Variants in WDR27 observed in about 807,000 individuals in gnomAD.
WDR27 encodes WD repeat domain 27.
Under a neutral mutation model 114.4 loss-of-function variants are expected in WDR27, and 100 were observed. The observed-to-expected ratio is 0.87, with a 90% CI of 0.74 to 1.03. WDR27 has a LOEUF of 1.03. Ranked by LOEUF, WDR27 falls within the 50% of genes least tolerant of loss-of-function variation. The pLI is 0.00. For synonymous variants in WDR27, 449 were observed against 423.1 expected, an observed-to-expected ratio of 1.06 and a Z score of -0.75; for missense variants, 1,129 against 1,092.9, an observed-to-expected ratio of 1.03 and a Z score of -0.47.
intron 25 of WDR27, among the ~76,000 whole-genome samples, chr6:169,490,307 G>C (rs1472278961): frequency 6.6e-6 from 1 of 152,234 alleles, no homozygotes; most frequent in Non-Finnish European, 1.5e-5. Context: ...CTCACGTGTG[G>C]AGGAGACAGA....
rs1328671862 is a variant in WDR27, at chr6:169,650,409, CATCT to C, written c.1482-1138_1482-1135del. On this transcript the variant is annotated intron_variant, in intron 14 of 25. Transcript: ENST00000448612. Reference sequence around the variant, plus strand: ...CTCATCCGTCATCCCTCCATCCCCTCATCTATCCACCCACTCATCCACCTCTCAT... The same window carrying C: ...CTCATCCGTCATCCCTCCATCCCCTCATCCACCCACTCATCCACCTCTCAT... Among the ~76,000 whole-genome samples the C allele has an allele frequency of 3.9e-3, 582 of 148,024 alleles. 12 individuals carry two copies. Among genetic ancestry groups the C allele is most frequent in the African/African-American group, 0.013 (533 of 39,660 alleles).
chr6:169,631,953 G>A (rs186539185), intron 21 of WDR27, among the ~76,000 whole-genome samples: 67 of 152,212 alleles, frequency 4.4e-4, no homozygotes, highest in Non-Finnish European at 8.4e-4. Context: ...TTGGGAGGCC[G>A]AGGCAGGCTG....
chr6:169,667,113 A>G (rs1268285823), intron 6 of WDR27, 23 bp downstream of exon 6: 1 of 1,501,022 alleles, frequency 6.7e-7, no homozygotes. Context: ...TATTTACAGA[A>G]AACATGAAAG....
At chr6:169,696,270 G>C (rs1172078856) in intron 1 of WDR27, among the ~76,000 whole-genome samples, 1 of 152,194 alleles carries the variant, frequency 6.6e-6, no homozygotes, top group Non-Finnish European at 1.5e-5. Context: ...AAGAGTCCAG[G>C]GTGACCCAAG....
At chr6:169,513,350 A>C (rs1583890868) in intron 25 of WDR27, among the ~76,000 whole-genome samples, 1 of 152,146 alleles carries the variant, frequency 6.6e-6, no homozygotes, top group Non-Finnish European at 1.5e-5. Flanking sequence ...CCTGCCATGC[A>C]CAATTGGTCA....
At chr6:169,534,353 T>G (rs1423057093) in intron 25 of WDR27, among the ~76,000 whole-genome samples, 4 of 152,200 alleles carry the variant, frequency 2.6e-5, no homozygotes. Context: ...GTTTTCTAAT[T>G]TTTTTGATGT....
Position 169,662,284 on chromosome 6 carries a change from G to A in WDR27, c.1025+20C>T, listed in dbSNP as rs1164431737. On this transcript the variant is annotated intron_variant, in intron 9 of 25. Transcript: ENST00000448612. ...AAGAGGTTTCCTTTATGTGGCATAG[G>A]CAAAGTTTTTGATACTTACCATCCA... 3.7e-6 allele frequency: 6 copies of A among 1,609,928 alleles called. No individual in the cohort carries two copies. Among genetic ancestry groups the A allele is most frequent in the Non-Finnish European group, 5.1e-6 (6 of 1,176,528 alleles).
At chr6:169,583,485 A>G (rs1184951520) in intron 23 of WDR27, among the ~76,000 whole-genome samples, 5,330 of 21,130 alleles carry the variant, frequency 0.25, 143 homozygotes, top group Admixed American at 0.39. Flanking sequence ...GTGTGTATAT[A>G]TACATATATA....
At chr6:169,564,602 T>G (rs1369314343) in intron 25 of WDR27, among the ~76,000 whole-genome samples, 1 of 152,138 alleles carries the variant, frequency 6.6e-6, no homozygotes, top group African/African-American at 2.4e-5. Context: ...GAGAGTGTGC[T>G]GGGCTGCGAG....
At chr6:169,700,306 G>A (rs965114726) in intron 1 of WDR27, among the ~76,000 whole-genome samples, 4 of 152,224 alleles carry the variant, frequency 2.6e-5, no homozygotes, top group African/African-American at 9.6e-5. Context: ...TTGACAAAGT[G>A]TCCCCCTTGG....
At chr6:169,502,331 G>A (rs558960222) in intron 25 of WDR27, among the ~76,000 whole-genome samples, 1 of 152,342 alleles carries the variant, frequency 6.6e-6, no homozygotes, top group East Asian at 1.9e-4. Context: ...GAAGCTGAAG[G>A]GCGATGTGGC....
At chr6:169,439,079 G>C in the WDR27 span, among the ~76,000 whole-genome samples, 1 of 151,886 alleles carries the variant, frequency 6.6e-6, no homozygotes, top group Non-Finnish European at 1.5e-5. Flanking sequence ...TTGACTTTGG[G>C]ATTTTTCAGT....
intron 2 of WDR27, among the ~76,000 whole-genome samples, chr6:169,686,604 G>A (rs537317401): frequency 1.3e-5 from 2 of 152,158 alleles, no homozygotes; most frequent in East Asian, 1.9e-4. Flanking sequence ...AAGCAAGCAG[G>A]AGTAGCTATA....
intron 2 of WDR27, among the ~76,000 whole-genome samples, chr6:169,683,246 A>G (rs1781999364): frequency 6.6e-6 from 1 of 152,194 alleles, no homozygotes; most frequent in African/African-American, 2.4e-5. Context: ...AAAATACCCA[A>G]AGATATATTA....
chr6:169,644,283 A>C (rs60282265), intron 16 of WDR27, among the ~76,000 whole-genome samples: 1 of 147,292 alleles, frequency 6.8e-6, no homozygotes, highest in African/African-American at 2.5e-5. Context: ...GTCACACTGT[A>C]GAAAAGCCTA....
chr6:169,672,258 G>C lies in WDR27; in HGVS notation c.328C>G (p.Gln110Glu), dbSNP rs760641333. The change falls in exon 3 of 26, where the codon CAA (glutamine) becomes GAA (glutamate). Residue 110 changes from glutamine to glutamate, a missense_variant. Physicochemically the swap from Gln to Glu is conservative, Grantham distance 29. Transcript: ENST00000448612. ...NLDECREKVL[Q>E]GLVPRGTVMG... ...CATGTTTTAGATTTTCATTTACCTT[G>C]AAGTACTTTCTCTCTACATTCATCC... 1 of 1,611,612 alleles carries C rather than the reference G, an allele frequency of 6.2e-7. No homozygotes were observed. Among genetic ancestry groups the C allele is most frequent in the East Asian group, 2.2e-5 (1 of 44,836 alleles).
At chr6:169,537,590 G>A (rs932973862) in intron 25 of WDR27, among the ~76,000 whole-genome samples, 11 of 152,302 alleles carry the variant, frequency 7.2e-5, no homozygotes, top group East Asian at 1.9e-4. Context: ...AGTGGATGGA[G>A]GGTGGAATGT....
intron 23 of WDR27, among the ~76,000 whole-genome samples, chr6:169,584,968 A>G (rs1200310163): frequency 1.3e-5 from 2 of 152,232 alleles, no homozygotes; most frequent in African/African-American, 4.8e-5. Context: ...ACAAACACAG[A>G]CCAATTAGAC....
chr6:169,664,626 A>G, intron 7 of WDR27: 1 of 1,112,414 alleles, frequency 9.0e-7, no homozygotes. Context: ...AGCACGTCCC[A>G]CATGCCCTGG....
Sources: allele counts gnomAD v4.1 joint callset (sites outside exome capture counted in the v4.1 genomes callset), GRCh38; gene constraint gnomAD v4.1.1; transcripts MANE v1.5; gene names NCBI Gene and HGNC (gene_info 2026-07-23, HGNC 2026-07-21).